Variants in PDE3A observed in about 807,000 individuals in gnomAD.
PDE3A encodes phosphodiesterase 3A.
A neutral mutation model predicts 98.3 loss-of-function variants in PDE3A; 43 were observed. The observed-to-expected ratio is 0.44, with a 90% CI of 0.34 to 0.56. The LOEUF (loss-of-function observed/expected upper bound fraction) is 0.56, where lower values mean the gene tolerates loss of function less well. Among genes scored for constraint, PDE3A ranks in the 20% least tolerant of loss-of-function variants. PDE3A has a pLI of 0.01. For missense variants in PDE3A, 1,427 were observed against 1,440.7 expected, an observed-to-expected ratio of 0.99 and a Z score of 0.15; for synonymous variants, 663 against 567.9, an observed-to-expected ratio of 1.17 and a Z score of -2.38.
intron 1 of PDE3A, among the ~76,000 whole-genome samples, chr12:20,403,919 A>G (rs1183961827): frequency 6.6e-6 from 1 of 152,022 alleles, no homozygotes; most frequent in African/African-American, 2.4e-5. Flanking sequence ...GTAGGCACTC[A>G]ATTTCTGAAA....
At chr12:20,592,200 C>T (rs1476893789) in intron 2 of PDE3A, among the ~76,000 whole-genome samples, 2 of 151,896 alleles carry the variant, frequency 1.3e-5, no homozygotes, top group African/African-American at 4.8e-5. Flanking sequence ...TTTTTTTTAA[C>T]CCTTCAAACC....
At chr12:20,524,086 A>G (rs1946475856) in intron 1 of PDE3A, among the ~76,000 whole-genome samples, 1 of 152,206 alleles carries the variant, frequency 6.6e-6, no homozygotes, top group Non-Finnish European at 1.5e-5. Flanking sequence ...GTTTACTTGT[A>G]GAACTACCAT....
intron 1 of PDE3A, among the ~76,000 whole-genome samples, chr12:20,547,246 T>C (rs1942084233): frequency 6.6e-6 from 1 of 152,118 alleles, no homozygotes; most frequent in Admixed American, 6.5e-5. Flanking sequence ...CCCCCACTTG[T>C]TCTCCCTTCG....
chr12:20,553,005 C>T, intron 1 of PDE3A: 1 of 1,552,206 alleles, frequency 6.4e-7, no homozygotes, highest in African/African-American at 1.4e-5. Flanking sequence ...ACGGCAATGG[C>T]CGGTGATCTC....
At chr12:20,584,517 C>T (rs1370506052) in intron 2 of PDE3A, among the ~76,000 whole-genome samples, 1 of 151,854 alleles carries the variant, frequency 6.6e-6, no homozygotes, top group African/African-American at 2.4e-5. Flanking sequence ...TTGATTTTTC[C>T]TTGGGGGTTG....
chr12:20,652,361 T>C (rs200949154), intron 14 of PDE3A, among the ~76,000 whole-genome samples: 13 of 144,916 alleles, frequency 9.0e-5, no homozygotes, highest in Admixed American at 4.9e-4. Context: ...TCCACAGTTG[T>C]TGAACTAGTT....
intron 1 of PDE3A, among the ~76,000 whole-genome samples, chr12:20,499,133 A>G (rs952013705): frequency 7.9e-5 from 12 of 152,156 alleles, no homozygotes; most frequent in African/African-American, 2.9e-4. Context: ...TGGACAATTT[A>G]CTTAGTCTAA....
chr12:20,466,156 C>T (rs7302508), intron 1 of PDE3A, among the ~76,000 whole-genome samples: 101,671 of 152,028 alleles, frequency 0.67, 34,676 homozygotes, highest in East Asian at 0.95. Context: ...TACACTGAAC[C>T]GTGTTATGCA....
chr12:20,551,850 C>A (rs912536089), intron 1 of PDE3A: 21 of 1,613,748 alleles, frequency 1.3e-5, no homozygotes, highest in Non-Finnish European at 1.7e-5. Flanking sequence ...TGGGCCGCAC[C>A]AAGGAATGTA....
intron 1 of PDE3A, among the ~76,000 whole-genome samples, chr12:20,520,898 G>T (rs1345306517): frequency 6.6e-6 from 1 of 152,154 alleles, no homozygotes; most frequent in Non-Finnish European, 1.5e-5. Context: ...CTGCAAAGGG[G>T]GCTGATGATT....
At chr12:20,570,460 TTC>T (rs1942777650) in intron 2 of PDE3A, among the ~76,000 whole-genome samples, 1 of 147,942 alleles carries the variant, frequency 6.8e-6, no homozygotes, top group Non-Finnish European at 1.5e-5. Context: ...AGTGAAATTT[TTC>T]TCTTTGTCAT....
intron 2 of PDE3A, among the ~76,000 whole-genome samples, chr12:20,605,726 A>C (rs1943694697): frequency 6.6e-6 from 1 of 152,220 alleles, no homozygotes; most frequent in South Asian, 2.1e-4. Flanking sequence ...TTTGAAGTAT[A>C]TAGCATTTCT....
At chr12:20,524,734 G>A (rs1463120611) in intron 1 of PDE3A, among the ~76,000 whole-genome samples, 1 of 152,010 alleles carries the variant, frequency 6.6e-6, no homozygotes, top group Non-Finnish European at 1.5e-5. Flanking sequence ...TTGAGTCTAA[G>A]AAGTAACCAT....
intron 15 of PDE3A, among the ~76,000 whole-genome samples, chr12:20,676,411 T>C (rs1945640194): frequency 6.6e-6 from 1 of 152,108 alleles, no homozygotes; most frequent in Non-Finnish European, 1.5e-5. Context: ...TGATTTCTGC[T>C]GAGAAATCTG....
intron 1 of PDE3A, among the ~76,000 whole-genome samples, chr12:20,485,575 A>G (rs545175112): frequency 1.3e-5 from 2 of 152,282 alleles, no homozygotes; most frequent in South Asian, 4.1e-4. Flanking sequence ...AAGATTATTC[A>G]TTCGAGTATA....
chr12:20,556,827 C>T (rs1050436524), intron 2 of PDE3A, 117 bp downstream of exon 2: 9 of 770,018 alleles, frequency 1.2e-5, no homozygotes, highest in Non-Finnish European at 1.8e-5. Context: ...AATAACCATG[C>T]CATTTGTTTT....
intron 1 of PDE3A, among the ~76,000 whole-genome samples, chr12:20,502,604 T>C (rs980415506): frequency 6.6e-6 from 1 of 152,152 alleles, no homozygotes; most frequent in Non-Finnish European, 1.5e-5. Flanking sequence ...ATAGAATGCA[T>C]GTGTATTTGT....
intron 14 of PDE3A, among the ~76,000 whole-genome samples, chr12:20,653,511 T>G (rs1271264613): frequency 6.6e-6 from 1 of 152,004 alleles, no homozygotes; most frequent in African/African-American, 2.4e-5. Context: ...TACAGGCACC[T>G]GCCACTACAC....
At chr12:20,637,789 A>T (rs1944553077) in intron 9 of PDE3A, among the ~76,000 whole-genome samples, 1 of 152,156 alleles carries the variant, frequency 6.6e-6, no homozygotes, top group African/African-American at 2.4e-5. Flanking sequence ...GACTACTCTC[A>T]AGGCTTTTCA....
Sources: allele counts gnomAD v4.1 joint callset (sites outside exome capture counted in the v4.1 genomes callset), GRCh38; gene constraint gnomAD v4.1.1; transcripts MANE v1.5; gene names NCBI Gene and HGNC (gene_info 2026-07-23, HGNC 2026-07-21).